The following DPP6 variants were observed in gnomAD, a reference collection of about 807,000 sequenced individuals.
The protein encoded by DPP6 is A-type potassium channel modulatory protein DPP6.
A neutral mutation model predicts 122.6 loss-of-function variants in DPP6; 69 were observed. The ratio of observed to expected loss-of-function variants is 0.56; its 90% CI spans 0.46 to 0.69. The LOEUF is 0.69. Among genes scored for constraint, DPP6 ranks in the 30% least tolerant of loss-of-function variants. DPP6 has a pLI of 0.00. For synonymous variants in DPP6, 418 were observed against 433.1 expected, an observed-to-expected ratio of 0.97 and a Z score of 0.43; for missense variants, 928 against 1,116.9, an observed-to-expected ratio of 0.83 and a Z score of 2.41.
rs200766851 is a variant in DPP6, at chr7:154,164,993, C to CT, written c.243+111938dup. Among the ~76,000 whole-genome samples, 7 of 149,296 alleles carry CT rather than the reference C, an allele frequency of 4.7e-5. No homozygotes were observed. The South Asian group carries it at 6.2e-4, about 13-fold the overall frequency. Reference sequence around the variant, plus strand: ...AATCATTCTAATTAGCCATTTTGTACTTTTTTTTAAAGTTTTTTTTCTTTT... The same window carrying CT: ...AATCATTCTAATTAGCCATTTTGTACTTTTTTTTTAAAGTTTTTTTTCTTTT... On this transcript the variant is annotated intron_variant, in intron 1 of 25. Transcript: ENST00000377770.
At chr7:153,966,619 A>G (rs1365305952) in intron 1 of DPP6, among the ~76,000 whole-genome samples, 1 of 111,028 alleles carries the variant, frequency 9.0e-6, no homozygotes, top group African/African-American at 3.7e-5. Context: ...TTAAAAAATT[A>G]TACTTTAATT....
upstream of DPP6, among the ~76,000 whole-genome samples, chr7:154,051,587 C>T (rs1255688507): frequency 6.8e-6 from 1 of 147,882 alleles, no homozygotes; most frequent in Non-Finnish European, 1.5e-5. Context: ...GCGAGTGGAG[C>T]CATGTCGCCC....
intron 1 of DPP6, among the ~76,000 whole-genome samples, chr7:154,393,431 T>C (rs1308114915): frequency 6.6e-6 from 1 of 152,160 alleles, no homozygotes; most frequent in Non-Finnish European, 1.5e-5. Context: ...TCAGGGAAAG[T>C]ATTATCAAAA....
At chr7:154,652,245 T>A (rs1350043038) in intron 6 of DPP6, among the ~76,000 whole-genome samples, 1 of 150,664 alleles carries the variant, frequency 6.6e-6, no homozygotes, top group Non-Finnish European at 1.5e-5. Flanking sequence ...AGCATCAAAA[T>A]CACTTTTGCT....
intron 5 of DPP6, among the ~76,000 whole-genome samples, chr7:154,586,941 A>C (rs1832494034): frequency 6.6e-6 from 1 of 152,262 alleles, no homozygotes; most frequent in Non-Finnish European, 1.5e-5. Context: ...TTGCACCTGG[A>C]AGGTCATAAA....
intron 7 of DPP6, among the ~76,000 whole-genome samples, chr7:154,693,074 G>A (rs1328741313): frequency 6.6e-6 from 1 of 151,514 alleles, no homozygotes; most frequent in African/African-American, 2.4e-5. Flanking sequence ...TTACAGGTGT[G>A]AGCCACTGGG....
At chr7:153,824,277 C>G in the DPP6 span, among the ~76,000 whole-genome samples, 1 of 149,116 alleles carries the variant, frequency 6.7e-6, no homozygotes, top group Admixed American at 6.8e-5. Context: ...ATCCTAGCTA[C>G]TGGGGAGGCT....
the DPP6 span, among the ~76,000 whole-genome samples, chr7:153,867,537 A>G: frequency 6.6e-6 from 1 of 152,242 alleles, no homozygotes; most frequent in East Asian, 1.9e-4. Context: ...TTATCAGCTT[A>G]AGGAGATTTT....
intron 8 of DPP6, among the ~76,000 whole-genome samples, chr7:154,742,857 A>G (rs1287276675): frequency 3.3e-5 from 5 of 152,136 alleles, no homozygotes; most frequent in Non-Finnish European, 7.4e-5. Flanking sequence ...TGGGATCTCA[A>G]GAGCCTCTGG....
intron 5 of DPP6, among the ~76,000 whole-genome samples, chr7:154,586,423 G>A (rs747149639): frequency 2.0e-5 from 3 of 152,126 alleles, no homozygotes; most frequent in African/African-American, 4.8e-5. Context: ...AAGGAGCCAC[G>A]GGTTATGGTT....
intron 5 of DPP6, among the ~76,000 whole-genome samples, chr7:154,598,234 C>T (rs1833218050): frequency 6.6e-6 from 1 of 152,232 alleles, no homozygotes; most frequent in Non-Finnish European, 1.5e-5. Context: ...CACATGTACA[C>T]TTAAATTTCC....
At chr7:153,799,533 G>A in the DPP6 span, among the ~76,000 whole-genome samples, 4 of 152,050 alleles carry the variant, frequency 2.6e-5, no homozygotes, top group African/African-American at 4.8e-5. Flanking sequence ...ACACCATCCC[G>A]CTCTACTGCA....
chr7:153,822,843 T>C, the DPP6 span, among the ~76,000 whole-genome samples: 2 of 152,242 alleles, frequency 1.3e-5, no homozygotes, highest in African/African-American at 4.8e-5. Context: ...ATGGATTGCA[T>C]ACTTTCTTCC....
intron 1 of DPP6, among the ~76,000 whole-genome samples, chr7:154,371,953 G>A (rs970837600): frequency 6.6e-6 from 1 of 152,136 alleles, no homozygotes. Flanking sequence ...GATGCGGGCA[G>A]GAGGAAGTTA....
At chr7:154,209,143 A>C (rs1799606384) in intron 1 of DPP6, among the ~76,000 whole-genome samples, 1 of 152,200 alleles carries the variant, frequency 6.6e-6, no homozygotes, top group Non-Finnish European at 1.5e-5. Flanking sequence ...ACGTAACAAA[A>C]ATAGGTGAGA....
chr7:154,127,597 T>TCACACACACACACACACACA (rs71182879), intron 1 of DPP6, among the ~76,000 whole-genome samples: 10 of 136,794 alleles, frequency 7.3e-5, no homozygotes, highest in African/African-American at 3.1e-4. Context: ...GAGCAGCATC[T>TCACACACACACACACACACA]CACACACACA....
At chr7:154,269,674 T>C (rs1803664505) in intron 1 of DPP6, among the ~76,000 whole-genome samples, 1 of 152,230 alleles carries the variant, frequency 6.6e-6, no homozygotes, top group Admixed American at 6.5e-5. Context: ...AGGATGAATT[T>C]GGACAAGATT....
At chr7:153,948,211 T>A (rs150967867) in intron 1 of DPP6, among the ~76,000 whole-genome samples, 18 of 152,298 alleles carry the variant, frequency 1.2e-4, no homozygotes, top group African/African-American at 4.3e-4. Context: ...TTTTAAAAAA[T>A]AAAGTCCAAT....
chr7:154,315,626 C>T (rs764394076), intron 1 of DPP6, among the ~76,000 whole-genome samples: 8 of 152,050 alleles, frequency 5.3e-5, no homozygotes, highest in Non-Finnish European at 1.0e-4. Flanking sequence ...CTCTGGGGGG[C>T]TGTGCTAGGG....
Sources: gnomAD v4.1 joint callset for allele counts (sites outside exome capture counted in the v4.1 genomes callset) on GRCh38, gnomAD v4.1.1 for gene constraint, MANE v1.5 for transcripts, NCBI Gene and HGNC (gene_info 2026-07-23, HGNC 2026-07-21) for gene names.